Variants in OR11A1 observed in about 807,000 individuals in gnomAD.
The protein encoded by OR11A1 is olfactory receptor family 11 subfamily A member 1, also known as olfactory receptor 11A1.
For missense variants in OR11A1, 380 were observed against 378.2 expected, an observed-to-expected ratio of 1.00 and a Z score of -0.04; for synonymous variants, 158 against 152.2, an observed-to-expected ratio of 1.04 and a Z score of -0.28.
Position 29,434,734 on chromosome 6 carries a change from C to A in OR11A1, c.-388-2747G>T, listed in dbSNP as rs544700860. On this transcript the variant is annotated intron_variant, in intron 1 of 4. Transcript: ENST00000377149. ...TAAGGTCATCAGTTCAGACCACAGTCCCATGGATAAAGACAAGGATCTGTG... is the reference window on the plus strand; with the variant it reads ...TAAGGTCATCAGTTCAGACCACAGTACCATGGATAAAGACAAGGATCTGTG... Among the ~76,000 whole-genome samples the A allele has an allele frequency of 3.3e-5, 5 of 152,274 alleles. No homozygotes were observed. In the East Asian group the frequency reaches 9.6e-4, roughly 29 times the overall value.
In OR11A1 at chr6:29,445,168, A is replaced by C. The variant is rs189995332; in HGVS notation, c.-389+11819T>G. On this transcript the variant is annotated intron_variant, in intron 1 of 4. Coordinates refer to ENST00000377149, the MANE Select transcript of OR11A1 (RefSeq NM_001394828.1). ...ATTACAGGAGCCTACCACCATGCCC[A>C]GCTAATTTATGTATTTTTAGTAGAG... Among the ~76,000 whole-genome samples the C allele has an allele frequency of 1.2e-4, 19 of 152,156 alleles. No individual in the cohort carries two copies. The East Asian group carries it at 3.7e-3, about 30-fold the overall frequency.
chr6:29,439,820 C>G, intron 1 of OR11A1: 1 of 597,178 alleles, frequency 1.7e-6, no homozygotes, highest in Non-Finnish European at 3.0e-6. Flanking sequence ...TCCAGGATCC[C>G]AAGAGTGAGC....
In OR11A1 at chr6:29,427,660, T is replaced by C. The variant is rs751907613; in HGVS notation, c.-19A>G. On this transcript the variant is annotated 5_prime_UTR_variant, in exon 5 of 5. Coordinates refer to ENST00000377149, the MANE Select transcript of OR11A1 (RefSeq NM_001394828.1). ...TTTCCATGTCGATCGTCCAAGTTTC[T>C]GCTTGGCAATAATTGGGGGAGAAAT... is the stretch of plus-strand genomic sequence containing the variant. 2 of 1,589,014 alleles carry C rather than the reference T, an allele frequency of 1.3e-6. No individual in the cohort carries two copies. The highest frequency in any genetic ancestry group is 2.3e-5 in the South Asian group (2 of 87,130).
intron 1 of OR11A1, among the ~76,000 whole-genome samples, chr6:29,434,400 C>T (rs1399001499): frequency 2.6e-5 from 4 of 152,192 alleles, no homozygotes; most frequent in African/African-American, 9.7e-5. Context: ...AGTTTTCCAA[C>T]ATCATTTATT....
intron 1 of OR11A1, chr6:29,450,120 A>ATGT (rs1032986181): frequency 1.3e-5 from 2 of 152,228 alleles, no homozygotes; most frequent in African/African-American, 4.8e-5. Context: ...AAGATATGGG[A>ATGT]TGTAGAAAGA....
intron 1 of OR11A1, among the ~76,000 whole-genome samples, chr6:29,449,674 A>G (rs994992540): frequency 6.6e-6 from 1 of 151,370 alleles, no homozygotes; most frequent in Non-Finnish European, 1.5e-5. Context: ...TCTCGCTCTG[A>G]CTCCCAGGCT....
At chr6:29,452,036 T>A (rs1582625576) in intron 1 of OR11A1, among the ~76,000 whole-genome samples, 3 of 152,266 alleles carry the variant, frequency 2.0e-5, no homozygotes, top group African/African-American at 7.2e-5. Context: ...GCAACATGGA[T>A]CCTGATGGAG....
intron 2 of OR11A1, among the ~76,000 whole-genome samples, chr6:29,431,029 T>C (rs1783190255): frequency 1.3e-5 from 2 of 152,128 alleles, no homozygotes; most frequent in South Asian, 2.1e-4. Flanking sequence ...TACTGACTGG[T>C]AGAGAAGTAA....
chr6:29,435,127 C>T (rs1275490480), intron 1 of OR11A1, among the ~76,000 whole-genome samples: 2 of 152,218 alleles, frequency 1.3e-5, no homozygotes, highest in East Asian at 1.9e-4. Flanking sequence ...TGTGGCCTTG[C>T]TTAGAAAAAG....
At chr6:29,443,972 T>A (rs6937718) in intron 1 of OR11A1, among the ~76,000 whole-genome samples, 5,825 of 129,812 alleles carry the variant, frequency 0.045, 262 homozygotes, top group African/African-American at 0.14. Flanking sequence ...AATCAGTAAT[T>A]AAAAAAAAAA....
At chr6:29,438,668 T>C (rs1311893996) in intron 1 of OR11A1, among the ~76,000 whole-genome samples, 1 of 152,200 alleles carries the variant, frequency 6.6e-6, no homozygotes, top group Non-Finnish European at 1.5e-5. Context: ...TCTTGCAATC[T>C]AAGAAACAGA....
In OR11A1 at chr6:29,427,070, G is replaced by C. The variant is rs138702789; in HGVS notation, c.572C>G (p.Ser191Trp). ...DFMLFVGLAC[S>W]DPRVAQVTTL... ...TGTCACCTGAGCCACTCTGGGATCC[G>C]AGCAAGCCAGGCCCACGAAAAGCAT... is the stretch of plus-strand genomic sequence containing the variant. The change falls in exon 5 of 5, where the codon TCG becomes TGG. Residue 191 changes from serine (S) to tryptophan (W), a missense_variant. Physicochemically the swap from Ser to Trp is radical, Grantham distance 177 (BLOSUM62 -3). Coordinates refer to ENST00000377149, the MANE Select transcript of OR11A1 (RefSeq NM_001394828.1). 6.2e-7 allele frequency: 1 copy of C among 1,612,174 alleles called. No individual in the cohort carries two copies. Among genetic ancestry groups the C allele is most frequent in the Non-Finnish European group, 8.5e-7 (1 of 1,179,980 alleles).
intron 1 of OR11A1, chr6:29,440,130 G>T: frequency 1.2e-6 from 2 of 1,613,384 alleles, no homozygotes; most frequent in Non-Finnish European, 8.5e-7. Context: ...GCTGACCGTG[G>T]CAGGCAATTT....
intron 1 of OR11A1, among the ~76,000 whole-genome samples, chr6:29,432,490 A>G (rs569305498): frequency 6.6e-6 from 1 of 152,206 alleles, no homozygotes; most frequent in South Asian, 2.1e-4. Flanking sequence ...TCTCCAATCT[A>G]CAGCCTCCAA....
At chr6:29,455,700 AC>A (rs1196347069) in intron 1 of OR11A1, among the ~76,000 whole-genome samples, 3 of 151,640 alleles carry the variant, frequency 2.0e-5, no homozygotes, top group African/African-American at 7.3e-5. Flanking sequence ...ACATGGTGAA[AC>A]CCCCTCTCTA....
intron 1 of OR11A1, chr6:29,440,426 C>G: frequency 6.2e-7 from 1 of 1,614,070 alleles, no homozygotes; most frequent in Non-Finnish European, 8.5e-7. Flanking sequence ...TGCTGAGCCA[C>G]CGGGTGTGTC....
Position 29,456,671 on chromosome 6 carries a change from T to C in OR11A1, c.-389+316A>G, listed in dbSNP as rs530186958. 3.9e-5 allele frequency among the ~76,000 whole-genome samples: 6 copies of C among 152,292 alleles called. No individual in the cohort carries two copies. The South Asian group carries it at 1.2e-3, about 32-fold the overall frequency. ...CAAAAGACTTGTACATGAAAGTTTA[T>C]AGCAGATTGATTCACAACAGCAAAA... On this transcript the variant is annotated intron_variant, in intron 1 of 4. Coordinates refer to ENST00000377149, the MANE Select transcript of OR11A1 (RefSeq NM_001394828.1).
chr6:29,439,533 A>T lies in OR11A1; in HGVS notation c.-388-7546T>A, dbSNP rs371547251. On this transcript the variant is annotated intron_variant, in intron 1 of 4. Coordinates refer to ENST00000377149, the MANE Select transcript of OR11A1 (RefSeq NM_001394828.1). Reference sequence around the variant, plus strand: ...ATCTGGTAACTAAAGAAAGAGCTGGAAAAAAGAAAACTAGAGGGCAAGAGG... The same window carrying T: ...ATCTGGTAACTAAAGAAAGAGCTGGTAAAAAGAAAACTAGAGGGCAAGAGG... 70 of 155,462 alleles carry T rather than the reference A, an allele frequency of 4.5e-4. 4 individuals carry two copies. The East Asian group carries it at 5.1e-3, about 11-fold the overall frequency. The allele number at this position is 155,462 out of a possible 1,614,324, so 9.6% of individuals were successfully genotyped here.
At chr6:29,451,508 T>G (rs1243741841) in intron 1 of OR11A1, among the ~76,000 whole-genome samples, 1 of 151,854 alleles carries the variant, frequency 6.6e-6, no homozygotes, top group Non-Finnish European at 1.5e-5. Context: ...AAAAAAAATT[T>G]TTTTTAAATG....
Sources: allele counts gnomAD v4.1 joint callset (sites outside exome capture counted in the v4.1 genomes callset), GRCh38; gene constraint gnomAD v4.1.1; transcripts MANE v1.5; gene names NCBI Gene and HGNC (gene_info 2026-07-23, HGNC 2026-07-21).